Variants in PPP2R1B observed in about 807,000 individuals in gnomAD.
The protein encoded by PPP2R1B is serine/threonine-protein phosphatase 2A 65 kDa regulatory subunit A beta isoform.
A neutral mutation model predicts 72.7 loss-of-function variants in PPP2R1B; 58 were observed. The ratio of observed to expected loss-of-function variants is 0.80; its 90% CI spans 0.65 to 0.99. The LOEUF is 0.99. PPP2R1B is among the 50% of genes least tolerant of loss of function. The pLI, the probability that PPP2R1B is intolerant of heterozygous loss-of-function variation, is 0.00. For missense variants in PPP2R1B, 695 were observed against 733.6 expected, an observed-to-expected ratio of 0.95 and a Z score of 0.61; for synonymous variants, 256 against 264.6, an observed-to-expected ratio of 0.97 and a Z score of 0.32.
the PPP2R1B span, among the ~76,000 whole-genome samples, chr11:111,715,471 G>C: frequency 1.3e-5 from 2 of 152,298 alleles, no homozygotes; most frequent in East Asian, 3.9e-4. Context: ...CAGGTATTGT[G>C]CATCTCAAAG....
the PPP2R1B span, among the ~76,000 whole-genome samples, chr11:111,703,989 A>G: frequency 6.6e-6 from 1 of 152,240 alleles, no homozygotes; most frequent in East Asian, 1.9e-4. Context: ...TATAGGATAT[A>G]CGTATTTCTA....
At chr11:111,724,974 A>G (rs1227418163), downstream of PPP2R1B, 2 of 152,476 alleles carry the variant, frequency 1.3e-5, no homozygotes, top group Non-Finnish European at 2.9e-5. Flanking sequence ...TCTCGTGGAC[A>G]CTGCTGGCTT....
At chr11:111,731,642 C>A (rs1944197818) in intron 15 of PPP2R1B, among the ~76,000 whole-genome samples, 7 of 152,224 alleles carry the variant, frequency 4.6e-5, no homozygotes, top group Admixed American at 3.9e-4. Context: ...GCGGGGTGAG[C>A]CGCTGGTCTC....
the PPP2R1B span, chr11:111,703,105 A>G: frequency 9.5e-7 from 1 of 1,052,038 alleles, no homozygotes; most frequent in Non-Finnish European, 1.4e-6. Context: ...TAGAGGATAC[A>G]AAGATTAACA....
downstream of PPP2R1B, among the ~76,000 whole-genome samples, chr11:111,722,498 G>A (rs774860092): frequency 2.0e-5 from 3 of 152,352 alleles, no homozygotes; most frequent in South Asian, 2.1e-4. This position sits in a 1 kb window ranked among gnomAD's most constrained non-coding sequence, Gnocchi z 4.4. Flanking sequence ...CCAGGCCTGC[G>A]GGCCCGATGC....
intron 1 of PPP2R1B, 112 bp downstream of exon 1, chr11:111,766,136 C>G (rs532291148): frequency 3.3e-5 from 33 of 985,412 alleles, no homozygotes; most frequent in Non-Finnish European, 4.9e-5. Context: ...GTTTCTGCTA[C>G]GAGTCCGACT....
the PPP2R1B span, among the ~76,000 whole-genome samples, chr11:111,708,132 G>A: frequency 0.028 from 4,310 of 152,150 alleles, 205 homozygotes; most frequent in African/African-American, 0.097. Context: ...CTGTAATCCC[G>A]GCGCTTTGGG....
intron 10 of PPP2R1B, among the ~76,000 whole-genome samples, chr11:111,748,769 G>C (rs556687559): frequency 3.9e-5 from 6 of 152,168 alleles, no homozygotes; most frequent in Non-Finnish European, 5.9e-5. Context: ...AGAAGTTCCT[G>C]ACTGGTGATT....
downstream of PPP2R1B, chr11:111,737,429 C>T (rs1361346027): frequency 1.9e-6 from 3 of 1,614,054 alleles, no homozygotes; most frequent in African/African-American, 4.0e-5. Flanking sequence ...GACTTGACCC[C>T]AGGCTTCCGG....
chr11:111,761,690 T>C (rs1555051515), intron 3 of PPP2R1B, among the ~76,000 whole-genome samples: 1 of 152,230 alleles, frequency 6.6e-6, no homozygotes, highest in East Asian at 1.9e-4. Context: ...CCAGGCACGG[T>C]GGCTCACACC....
rs76575245 is a variant in PPP2R1B, at chr11:111,748,586, C to T, written c.1339-572G>A. Among the ~76,000 whole-genome samples the T allele has an allele frequency of 5.5e-3, 834 of 152,294 alleles. 25 individuals carry two copies. In the East Asian group the frequency reaches 0.083, roughly 15 times the overall value. On this transcript the variant is annotated intron_variant, in intron 10 of 14. Transcript: ENST00000527614. Reference sequence around the variant, plus strand: ...CTTGCTCTCCCAGCCCTGTTCCTCCCGACTGTCAACAGGTGGCCACTTCAG... The same window carrying T: ...CTTGCTCTCCCAGCCCTGTTCCTCCTGACTGTCAACAGGTGGCCACTTCAG...
intron 3 of PPP2R1B, among the ~76,000 whole-genome samples, chr11:111,762,860 C>A (rs972091105): frequency 6.6e-6 from 1 of 152,150 alleles, no homozygotes; most frequent in Non-Finnish European, 1.5e-5. Flanking sequence ...GTTTTGAACC[C>A]AGCCTGTTTC....
At chr11:111,706,959 C>CA in the PPP2R1B span, among the ~76,000 whole-genome samples, 906 of 51,488 alleles carry the variant, frequency 0.018, 20 homozygotes, top group African/African-American at 0.034. Flanking sequence ...GACTCCGTCT[C>CA]AAAAAAAAAA....
At chr11:111,692,512 A>G in the PPP2R1B span, among the ~76,000 whole-genome samples, 3 of 152,146 alleles carry the variant, frequency 2.0e-5, no homozygotes, top group East Asian at 5.8e-4. Flanking sequence ...AGGAAACTGC[A>G]GGTATTAGCC....
At position 111,749,429 on chromosome 11, in the gene PPP2R1B, G is replaced by C. The variant is rs782643350; in HGVS notation, c.1339-1415C>G. ...CTCCCAAGAAGCCTCCCAAGTAACA[G>C]GCACCCACCACCACACCCGGCTAAA... On this transcript the variant is annotated intron_variant, in intron 10 of 14. Transcript: ENST00000527614. 2.7e-4 allele frequency among the ~76,000 whole-genome samples: 41 copies of C among 151,918 alleles called. 1 individual carries two copies. The highest frequency in any genetic ancestry group is 6.3e-4 in the South Asian group (3 of 4,800).
chr11:111,717,738 T>C, the PPP2R1B span, among the ~76,000 whole-genome samples: 3 of 152,204 alleles, frequency 2.0e-5, no homozygotes, highest in Admixed American at 6.5e-5. Flanking sequence ...GTGGTACATA[T>C]ACACCATGGA....
downstream of PPP2R1B, among the ~76,000 whole-genome samples, chr11:111,733,616 A>C (rs1376885525): frequency 1.3e-5 from 2 of 151,992 alleles, no homozygotes. Context: ...GGCCACCCAC[A>C]TAGTTGGGGG....
intron 11 of PPP2R1B, among the ~76,000 whole-genome samples, chr11:111,745,457 T>C (rs1260004017): frequency 6.6e-6 from 1 of 152,222 alleles, no homozygotes. Context: ...CACACATGCA[T>C]AGCCTTGACC....
chr11:111,727,419 G>T, intron 15 of PPP2R1B: 1 of 255,256 alleles, frequency 3.9e-6, no homozygotes, highest in Non-Finnish European at 7.6e-6. Context: ...TCAGTGGTTG[G>T]GACAGACAGG....
Sources: allele counts gnomAD v4.1 joint callset (sites outside exome capture counted in the v4.1 genomes callset), GRCh38; gene constraint gnomAD v4.1.1; non-coding constraint Gnocchi (gnomAD v3.1); transcripts MANE v1.5; gene names NCBI Gene and HGNC (gene_info 2026-07-23, HGNC 2026-07-21).